The following SLC2A8 variants were observed in gnomAD, a reference collection of about 807,000 sequenced individuals.
SLC2A8 encodes solute carrier family 2 member 8.
SLC2A8 carries 53 observed loss-of-function variants against 49.2 expected under a neutral mutation model. The ratio of observed to expected loss-of-function variants is 1.08; its 90% confidence interval spans 0.86 to 1.35. The LOEUF (loss-of-function observed/expected upper bound fraction) is 1.35, where lower values mean the gene tolerates loss of function less well. SLC2A8 is among the 40% of genes most tolerant of loss of function. SLC2A8 has a pLI of 0.00. For synonymous variants in SLC2A8, 299 were observed against 297.0 expected, an observed-to-expected ratio of 1.01 and a Z score of -0.07; for missense variants, 688 against 671.7, an observed-to-expected ratio of 1.02 and a Z score of -0.27.
chr9:127,399,910 T>A lies in SLC2A8; in HGVS notation c.430T>A (p.Tyr144Asn), dbSNP rs766998719. 6 of 1,613,396 alleles carry A rather than the reference T, an allele frequency of 3.7e-6. No individual in the cohort carries two copies. Among genetic ancestry groups the A allele is most frequent in the Non-Finnish European group, 5.1e-6 (6 of 1,179,574 alleles). ...CGVASLVAPV[Y>N]ISEIAYPAVR... is the part of the protein sequence containing the mutation. The stretch of plus-strand genomic sequence containing the variant: ...ATCCTCATCTGATTGCTGGCAGGTC[T>A]ACATCTCCGAAATCGCCTACCCAGC... The change falls in exon 4 of 10, where the codon TAC becomes AAC. Residue 144 changes from tyrosine (Y) to asparagine (N), a missense_variant. Coordinates refer to ENST00000373371, the MANE Select transcript of SLC2A8 (RefSeq NM_014580.5). The surrounding 1 kb of genome is among the most constrained non-coding windows in gnomAD (Gnocchi z 4.2).
At position 127,397,426 on chromosome 9, in the gene SLC2A8, GC is replaced by G. The variant is rs889204075; in HGVS notation, c.110del (p.Pro37HisfsTer40). The stretch of plus-strand genomic sequence containing the variant: ...CTCGCCGCCTTCGCCGCTGCCCTGG[GC>G]CCACTCAGCTTCGGCTTCGCGCTCG... ...VFLAAFAAAL[G>X]PLSFGFALGY... On this transcript the variant is annotated frameshift_variant, in exon 2 of 10. Coordinates refer to ENST00000373371, the MANE Select transcript of SLC2A8 (RefSeq NM_014580.5). LOFTEE classifies it high-confidence loss of function. 2.0e-6 allele frequency: 3 copies of G among 1,486,486 alleles called. No individual in the cohort carries two copies. The highest frequency in any genetic ancestry group is 2.7e-6 in the Non-Finnish European group (3 of 1,126,706). The allele number at this position is 1,486,486 out of a possible 1,614,324, so 92.1% of individuals were successfully genotyped here.
intron 3 of SLC2A8, 86 bp downstream of exon 3, chr9:127,398,197 C>T: frequency 1.4e-6 from 2 of 1,411,542 alleles, no homozygotes; most frequent in South Asian, 1.2e-5. Flanking sequence ...CCTGGGGGCG[C>T]GGCTCCCCCT....
intron 4 of SLC2A8, 31 bp downstream of exon 4, chr9:127,400,037 T>C (rs751613194): frequency 1.1e-5 from 18 of 1,595,758 alleles, no homozygotes; most frequent in Non-Finnish European, 1.5e-5. Context: ...TGCTTCCTGT[T>C]TGTGGTCATG....
Position 127,405,958 on chromosome 9 carries a change from C to T in SLC2A8, c.1296+393C>T, listed in dbSNP as rs894833982. 5 of 531,640 alleles carry T rather than the reference C, an allele frequency of 9.4e-6. No homozygotes were observed. In the African/African-American group the frequency reaches 9.5e-5, roughly 10 times the overall value. 32.9% of individuals were successfully genotyped at this position (531,640 alleles called of 1,614,324 possible). On this transcript the variant is annotated intron_variant, in intron 9 of 9. Coordinates refer to ENST00000373371, the MANE Select transcript of SLC2A8 (RefSeq NM_014580.5). ...ATGCTTACCTTCTCTGAGCCCGCTTCTTTGGCTGAAACTGGAGGAGAGTAA... is the reference window on the plus strand; with the variant it reads ...ATGCTTACCTTCTCTGAGCCCGCTTTTTTGGCTGAAACTGGAGGAGAGTAA...
At position 127,402,574 on chromosome 9, in the gene SLC2A8, CGCTG is replaced by C; in HGVS notation, c.553_556del (p.Ala185CysfsTer25). The C allele has an allele frequency of 1.3e-6, 2 of 1,573,138 alleles. No homozygotes were observed. Among genetic ancestry groups the C allele is most frequent in the Non-Finnish European group, 8.6e-7 (1 of 1,163,102 alleles). ...CCCCGCAGGCTGGGTGCTGGAGTGGCGCTGGCTGGCTGTGCTGGGCTGCGTGCCC... is the reference window on the plus strand; with the variant it reads ...CCCCGCAGGCTGGGTGCTGGAGTGGCGCTGGCTGTGCTGGGCTGCGTGCCC... On this transcript the variant is annotated frameshift_variant, in exon 5 of 10. Coordinates refer to ENST00000373371, the MANE Select transcript of SLC2A8 (RefSeq NM_014580.5). LOFTEE classifies it high-confidence loss of function.
chr9:127,405,982 A>G (rs574816385), intron 9 of SLC2A8: 1 of 525,872 alleles, frequency 1.9e-6, no homozygotes, highest in East Asian at 5.3e-5. Flanking sequence ...GGAGGAGAGT[A>G]ACAGCAGCTT....
intron 5 of SLC2A8, chr9:127,403,454 G>A: frequency 1.7e-6 from 1 of 605,752 alleles, no homozygotes; most frequent in Non-Finnish European, 2.9e-6. Flanking sequence ...CTATCAGGAA[G>A]TGCCCTGGGC....
intron 3 of SLC2A8, among the ~76,000 whole-genome samples, chr9:127,398,799 A>C (rs1833150766): frequency 6.6e-6 from 1 of 152,312 alleles, no homozygotes; most frequent in Middle Eastern, 3.4e-3. Flanking sequence ...TTGGATAGAC[A>C]GCCCCTGGCA....
In SLC2A8 at chr9:127,407,055, G is replaced by A. The variant is rs1037741361; in HGVS notation, c.1297-57G>A. ...TGGTGGCAGAGCTGTCTCAGTGATC[G>A]CGTGGGGCTTCCTGATCTCTCCCCG... On this transcript the variant is annotated intron_variant, in intron 9 of 9. Transcript: ENST00000373371. 7.4e-5 allele frequency: 118 copies of A among 1,597,460 alleles called. 1 individual carries two copies. The highest frequency in any genetic ancestry group is 1.4e-4 in the South Asian group (13 of 90,310).
chr9:127,405,316 C>T, intron 8 of SLC2A8, 104 bp from the exon 9 acceptor site: 1 of 1,370,598 alleles, frequency 7.3e-7, no homozygotes. Context: ...TCCGGGACCC[C>T]ACAGCCCCAC....
intron 3 of SLC2A8, 181 bp downstream of exon 3, chr9:127,398,292 C>T (rs1446309800): frequency 6.3e-6 from 5 of 794,784 alleles, no homozygotes; most frequent in Non-Finnish European, 9.2e-6. Context: ...TCCTACTGTT[C>T]TCTCCATTTT....
chr9:127,402,645 C>T lies in SLC2A8; in HGVS notation c.615C>T (p.Thr205=), dbSNP rs139174557. ...TTCTCATGTGCTTCATGCCCGAGACCCCGCGCTTCCTGCTGACTCAGCACA... is the reference window on the plus strand; with the variant it reads ...TTCTCATGTGCTTCATGCCCGAGACTCCGCGCTTCCTGCTGACTCAGCACA... ...MLLLMCFMPE[T]PRFLLTQHRR... The change falls in exon 5 of 10, where the codon ACC becomes ACT. Residue 205 remains threonine, a synonymous_variant. Coordinates refer to ENST00000373371, the MANE Select transcript of SLC2A8 (RefSeq NM_014580.5). The T allele has an allele frequency of 3.3e-4, 524 of 1,593,296 alleles. 1 individual carries two copies. Among genetic ancestry groups the T allele is most frequent in the Non-Finnish European group, 4.4e-4 (513 of 1,172,040 alleles).
rs1833533430 is a variant in SLC2A8, at chr9:127,407,507, A to G, written c.*258A>G. 3 of 617,090 alleles carry G rather than the reference A, an allele frequency of 4.9e-6. No individual in the cohort carries two copies. The highest frequency in any genetic ancestry group is 3.1e-6 in the Non-Finnish European group (1 of 321,596). 38.2% of individuals were successfully genotyped at this position (617,090 alleles called of 1,614,324 possible). ...GACCTGCGGTCAGCCCTCCATGCGC[A>G]AGACTAAAGCAGCGGAAGAGGAGGT... is the stretch of plus-strand genomic sequence containing the variant. On this transcript the variant is annotated 3_prime_UTR_variant, in exon 10 of 10. Coordinates refer to ENST00000373371, the MANE Select transcript of SLC2A8 (RefSeq NM_014580.5).
rs1833207270 is a variant in SLC2A8 at position 127,399,889 on chromosome 9, T to C, written c.427-18T>C. ...AGCCACTGCGCCCAGCCATAAATCC[T>C]CATCTGATTGCTGGCAGGTCTACAT... On this transcript the variant is annotated intron_variant, in intron 3 of 9. Coordinates refer to ENST00000373371, the MANE Select transcript of SLC2A8 (RefSeq NM_014580.5). This position sits in a 1 kb window ranked among gnomAD's most constrained non-coding sequence, Gnocchi z 4.2. 1.9e-6 allele frequency: 3 copies of C among 1,609,338 alleles called. No homozygotes were observed. In the East Asian group the frequency reaches 6.7e-5, roughly 36 times the overall value.
At chr9:127,401,355 AGGCCTCG>A (rs1028921107) in intron 4 of SLC2A8, among the ~76,000 whole-genome samples, 2 of 152,236 alleles carry the variant, frequency 1.3e-5, no homozygotes, top group African/African-American at 4.8e-5. Context: ...TCGGGGTAGG[AGGCCTCG>A]GGGGCCTGAC....
chr9:127,404,619 G>A (rs933929088), intron 7 of SLC2A8, 199 bp from the exon 8 acceptor site: 22 of 587,454 alleles, frequency 3.7e-5, no homozygotes, highest in Admixed American at 2.2e-4. Flanking sequence ...GGTCTGCTCC[G>A]GGAACTTTTT....
chr9:127,400,436 G>T (rs1833240748), intron 4 of SLC2A8, among the ~76,000 whole-genome samples: 1 of 152,086 alleles, frequency 6.6e-6, no homozygotes, highest in Non-Finnish European at 1.5e-5. Flanking sequence ...GGGATTACAG[G>T]TGTGAGCCAC....
chr9:127,398,985 G>A (rs543673640), intron 3 of SLC2A8, among the ~76,000 whole-genome samples: 1 of 152,364 alleles, frequency 6.6e-6, no homozygotes, highest in African/African-American at 2.4e-5. Context: ...GAAGAGGGTG[G>A]GGAAGAAGCT....
In SLC2A8 at chr9:127,402,714, C is replaced by A; in HGVS notation, c.684C>A (p.Ser228=). ...CCGCCCTGCGGTTCCTGTGGGGCTC[C>A]GAGCAGGGCTGGGAAGACCCCCCCA... is the stretch of plus-strand genomic sequence containing the variant. The part of the protein sequence containing the change: ...AMAALRFLWG[S]EQGWEDPPIG... The change falls in exon 5 of 10, where the codon TCC becomes TCA. Residue 228 remains serine (S), a synonymous_variant. Transcript: ENST00000373371. The A allele has an allele frequency of 6.4e-7, 1 of 1,558,056 alleles. No homozygotes were observed. Among genetic ancestry groups the A allele is most frequent in the Non-Finnish European group, 8.7e-7 (1 of 1,152,054 alleles).
Sources: gnomAD v4.1 joint callset for allele counts (sites outside exome capture counted in the v4.1 genomes callset) on GRCh38, gnomAD v4.1.1 for gene constraint, Gnocchi (gnomAD v3.1) non-coding constraint, MANE v1.5 for transcripts, NCBI Gene and HGNC (gene_info 2026-07-23, HGNC 2026-07-21) for gene names.